The following SFI1 variants were observed in gnomAD, a reference collection of about 807,000 sequenced individuals.
SFI1 encodes protein SFI1 homolog.
A neutral mutation model predicts 207.5 loss-of-function variants in SFI1; 195 were observed. The ratio of observed to expected loss-of-function variants is 0.94; its 90% CI spans 0.84 to 1.06. The LOEUF (loss-of-function observed/expected upper bound fraction) is 1.06, where lower values mean the gene tolerates loss of function less well. Among genes scored for constraint, SFI1 ranks in the 50% least tolerant of loss-of-function variants. The pLI, the probability that SFI1 is intolerant of heterozygous loss-of-function variation, is 0.00. For missense variants in SFI1, 1,634 were observed against 1,588.0 expected (o/e 1.03, Z -0.49); for synonymous variants, 630 against 598.9 (o/e 1.05, Z -0.76).
chr22:31,514,185 A>G (rs1395001984), intron 2 of SFI1, among the ~76,000 whole-genome samples: 1 of 149,996 alleles, frequency 6.7e-6, no homozygotes, highest in East Asian at 2.0e-4. Flanking sequence ...ATTGTTAGCT[A>G]TAGTCACCAT....
At chr22:31,499,179 T>C (rs1170835139) in intron 1 of SFI1, among the ~76,000 whole-genome samples, 1 of 152,076 alleles carries the variant, frequency 6.6e-6, no homozygotes, top group African/African-American at 2.4e-5. Context: ...GCTAATTTTT[T>C]TTTTGAGATG....
chr22:31,581,317 C>CAACA (rs2064150130), intron 12 of SFI1, among the ~76,000 whole-genome samples: 1 of 148,236 alleles, frequency 6.7e-6, no homozygotes, highest in Admixed American at 6.8e-5. Context: ...GGGTCTTGCT[C>CAACA]TGTTGCCCAG....
chr22:31,585,935 C>T (rs2064976931), intron 14 of SFI1, among the ~76,000 whole-genome samples: 1 of 152,120 alleles, frequency 6.6e-6, no homozygotes. Context: ...TCGTGCTGCC[C>T]ACCCTACCCG....
In SFI1 at chr22:31,616,648, C is replaced by T. The variant is rs738684; in HGVS notation, c.3301-97C>T. 249,703 of 1,345,406 alleles carry T rather than the reference C, an allele frequency of 0.19. 25,332 individuals are homozygous for T. The highest frequency in any genetic ancestry group is 0.39 in the East Asian group (16,026 of 41,024). 83.3% of individuals were successfully genotyped at this position (1,345,406 alleles called of 1,614,324 possible). A position where few individuals can be genotyped will look rare whatever the true frequency, so the allele number is the denominator to read the frequency against. On this transcript the variant is annotated intron_variant, in intron 29 of 32. Transcript: ENST00000400288. Reference sequence around the variant, plus strand: ...TGCAGCTGGGAGCCTGGTCTTCCCCCACCCCTGCAGGGCAGGCAGTGACAA... The same window carrying T: ...TGCAGCTGGGAGCCTGGTCTTCCCCTACCCCTGCAGGGCAGGCAGTGACAA...
intron 4 of SFI1, 117 bp from the exon 5 acceptor site, chr22:31,546,744 G>A: frequency 3.7e-6 from 2 of 538,700 alleles, no homozygotes; most frequent in Non-Finnish European, 6.2e-6. Flanking sequence ...TGGGATTACA[G>A]GTGTGAGCCA....
chr22:31,604,043 A>G (rs531590437), intron 18 of SFI1, among the ~76,000 whole-genome samples: 41 of 152,330 alleles, frequency 2.7e-4, no homozygotes, highest in African/African-American at 9.1e-4. Context: ...TACTGCATCT[A>G]AAATTCCTGA....
chr22:31,563,159 A>T (rs946604357), intron 8 of SFI1, among the ~76,000 whole-genome samples: 4 of 151,458 alleles, frequency 2.6e-5, no homozygotes, highest in African/African-American at 9.7e-5. Flanking sequence ...CGCCTGGCTA[A>T]TTTTTTGTAT....
At chr22:31,588,297 G>A (rs994364278) in intron 14 of SFI1, among the ~76,000 whole-genome samples, 3 of 152,194 alleles carry the variant, frequency 2.0e-5, no homozygotes, top group Non-Finnish European at 4.4e-5. Flanking sequence ...TTACAGCATG[G>A]TGGCCTTGGG....
At chr22:31,591,080 A>G (rs2065830113) in intron 15 of SFI1, among the ~76,000 whole-genome samples, 1 of 151,724 alleles carries the variant, frequency 6.6e-6, no homozygotes, top group East Asian at 1.9e-4. Flanking sequence ...AAGTGAACAA[A>G]GGTCTCTGGT....
chr22:31,575,783 A>G (rs1013868384), intron 10 of SFI1, among the ~76,000 whole-genome samples: 2 of 152,150 alleles, frequency 1.3e-5, no homozygotes, highest in Non-Finnish European at 2.9e-5. Context: ...AATAGCCACC[A>G]CTATCTTTTT....
chr22:31,501,782 TAAAAC>T (rs999813037), intron 1 of SFI1, among the ~76,000 whole-genome samples: 12 of 152,354 alleles, frequency 7.9e-5, no homozygotes, highest in African/African-American at 2.4e-4. Context: ...AACATTTTGT[TAAAAC>T]ATAACATTGA....
intron 15 of SFI1, among the ~76,000 whole-genome samples, chr22:31,596,957 C>T (rs892917538): frequency 8.4e-6 from 1 of 118,990 alleles, no homozygotes; most frequent in Non-Finnish European, 1.8e-5. Flanking sequence ...ACTGAAAACG[C>T]GCACACACGG....
intron 15 of SFI1, 86 bp downstream of exon 15, chr22:31,589,663 A>G: frequency 1.3e-5 from 19 of 1,445,958 alleles, no homozygotes; most frequent in Non-Finnish European, 1.8e-5. Flanking sequence ...TGTGCTTTTC[A>G]GCTTCCCAGA....
chr22:31,529,154 A>G, intron 3 of SFI1: 2 of 312,148 alleles, frequency 6.4e-6, no homozygotes, highest in Non-Finnish European at 1.2e-5. Flanking sequence ...CTTTTTTGCT[A>G]TTCTTTTTTT....
chr22:31,609,001 GTCTC>G, intron 22 of SFI1, among the ~76,000 whole-genome samples: 1 of 151,878 alleles, frequency 6.6e-6, no homozygotes, highest in East Asian at 2.0e-4. Context: ...ATGAGACCCA[GTCTC>G]TCTCTTTTTT....
chr22:31,509,463 G>A (rs922954556), intron 2 of SFI1, among the ~76,000 whole-genome samples: 1 of 152,164 alleles, frequency 6.6e-6, no homozygotes, highest in African/African-American at 2.4e-5. Flanking sequence ...GATGTTCGAG[G>A]GCAGGAAACA....
At chr22:31,580,236 A>G in intron 11 of SFI1, 36 bp from the exon 12 acceptor site, 1 of 1,543,268 alleles carries the variant, frequency 6.5e-7, no homozygotes, top group South Asian at 1.1e-5. Context: ...TACTGATCCC[A>G]GTCCTTGTAA....
In SFI1 at chr22:31,618,410, C is replaced by A; in HGVS notation, c.3721C>A (p.Leu1241Met). 1 of 1,590,020 alleles carries A rather than the reference C, an allele frequency of 6.3e-7. No individual in the cohort carries two copies. Among genetic ancestry groups the A allele is most frequent in the Non-Finnish European group, 8.6e-7 (1 of 1,166,276 alleles). Residue 1241 changes from leucine (L) to methionine (M), a missense_variant, in exon 33 of 33, where the codon CTG becomes ATG. Leu to Met is a conservative substitution (Grantham distance 15). Transcript: ENST00000400288. Reference sequence around the variant, plus strand: ...CCGCATCCAGGCCCTGCGGCAGGCCCTGTGCTAGCGTGTTCGCACCAGGAA... The same window carrying A: ...CCGCATCCAGGCCCTGCGGCAGGCCATGTGCTAGCGTGTTCGCACCAGGAA... ...VARIQALRQALC is the reference protein window; with the variant it reads ...VARIQALRQAMC
chr22:31,584,978 C>A, intron 13 of SFI1, 90 bp from the exon 14 acceptor site: 1 of 1,088,212 alleles, frequency 9.2e-7, no homozygotes, highest in Non-Finnish European at 1.4e-6. Flanking sequence ...GTGCCTTTAA[C>A]TCACAGGAAG....
Sources: gnomAD v4.1 joint callset for allele counts (sites outside exome capture counted in the v4.1 genomes callset) on GRCh38, gnomAD v4.1.1 for gene constraint, MANE v1.5 for transcripts, NCBI Gene and HGNC (gene_info 2026-07-23, HGNC 2026-07-21) for gene names.